The following CNTN3 variants were observed in gnomAD, a reference collection of about 807,000 sequenced individuals.
The protein encoded by CNTN3 is contactin-3.
A neutral mutation model predicts 119.1 loss-of-function variants in CNTN3; 60 were observed. The observed-to-expected ratio is 0.50, with a 90% confidence interval of 0.41 to 0.62. The LOEUF (loss-of-function observed/expected upper bound fraction) is 0.62, where lower values mean the gene tolerates loss of function less well. Ranked by LOEUF, CNTN3 falls within the 20% of genes least tolerant of loss-of-function variation. The probability of loss-of-function intolerance (pLI) is 0.00; values close to 1 mark genes in which losing one functional copy is unlikely to be tolerated. For synonymous variants in CNTN3, 450 were observed against 438.7 expected, an observed-to-expected ratio of 1.03 and a Z score of -0.32; for missense variants, 1,101 against 1,242.4, an observed-to-expected ratio of 0.89 and a Z score of 1.71.
chr3:74,613,943 C>G (rs1010452449), intron 1 of CNTN3, among the ~76,000 whole-genome samples: 5 of 152,204 alleles, frequency 3.3e-5, no homozygotes, highest in Non-Finnish European at 7.3e-5. Flanking sequence ...ATGAAAGAAT[C>G]GGCCACCCTA....
At position 74,422,847 on chromosome 3, in the gene CNTN3, T is replaced by TA. The variant is rs1701638330; in HGVS notation, c.454+1997dup. ...TAATATATCTCCCTCTTTTTACTCA[T>TA]AATACAACACTTCTTTTGGAAACTG... On this transcript the variant is annotated intron_variant, in intron 5 of 22. Coordinates refer to ENST00000263665, the MANE Select transcript of CNTN3 (RefSeq NM_020872.3). 5.9e-5 allele frequency among the ~76,000 whole-genome samples: 9 copies of TA among 152,314 alleles called. No individual in the cohort carries two copies. The South Asian group carries it at 1.7e-3, about 28-fold the overall frequency.
At chr3:74,418,435 G>A (rs532839960) in intron 5 of CNTN3, among the ~76,000 whole-genome samples, 3 of 138,640 alleles carry the variant, frequency 2.2e-5, no homozygotes, top group Admixed American at 1.7e-4. Context: ...TCTGCCTCCC[G>A]GGTTCAAGCA....
intron 13 of CNTN3, among the ~76,000 whole-genome samples, chr3:74,307,888 A>C (rs530882049): frequency 6.6e-6 from 1 of 152,340 alleles, no homozygotes; most frequent in South Asian, 2.1e-4. Flanking sequence ...TTACATTTTG[A>C]TGGCTATTTG....
At chr3:74,385,889 G>A (rs555727501) in intron 5 of CNTN3, among the ~76,000 whole-genome samples, 12 of 152,294 alleles carry the variant, frequency 7.9e-5, no homozygotes, top group Middle Eastern at 3.4e-3. Context: ...TGGGTATCAC[G>A]TAGTTTCTCT....
At chr3:74,404,090 T>C (rs1487315465) in intron 5 of CNTN3, among the ~76,000 whole-genome samples, 5 of 152,104 alleles carry the variant, frequency 3.3e-5, no homozygotes, top group Non-Finnish European at 7.4e-5. Context: ...CCATTTCTGA[T>C]TTATCTTTTT....
chr3:74,315,678 TAAATA>T (rs1432298890), intron 13 of CNTN3, among the ~76,000 whole-genome samples: 2 of 152,214 alleles, frequency 1.3e-5, no homozygotes, highest in African/African-American at 4.8e-5. Flanking sequence ...TACACTCTTC[TAAATA>T]ACACATGGAT....
chr3:74,535,535 G>C (rs9917739), intron 1 of CNTN3, among the ~76,000 whole-genome samples: 7 of 152,050 alleles, frequency 4.6e-5, no homozygotes, highest in African/African-American at 1.7e-4. Flanking sequence ...AGATACCCCT[G>C]AGTCTGATAG....
chr3:74,398,378 G>T (rs992310589), intron 5 of CNTN3, among the ~76,000 whole-genome samples: 1 of 152,214 alleles, frequency 6.6e-6, no homozygotes, highest in Non-Finnish European at 1.5e-5. Flanking sequence ...TTTACAACTT[G>T]CTGAAAGCTC....
intron 19 of CNTN3, among the ~76,000 whole-genome samples, chr3:74,285,836 TATAA>T (rs1702106029): frequency 1.7e-5 from 2 of 116,636 alleles, no homozygotes; most frequent in Admixed American, 8.6e-5. Flanking sequence ...TATATATATA[TATAA>T]AATTAAAAAT....
intron 4 of CNTN3, among the ~76,000 whole-genome samples, chr3:74,427,867 G>T (rs969749365): frequency 6.6e-6 from 1 of 151,924 alleles, no homozygotes; most frequent in African/African-American, 2.4e-5. Flanking sequence ...ATTACAGAAT[G>T]CTAATGAAAA....
chr3:74,371,267 CAT>C lies in CNTN3; in HGVS notation c.585_586del (p.Val197GlyfsTer22), dbSNP rs1198973503. 2.5e-6 allele frequency: 4 copies of C among 1,613,406 alleles called. No homozygotes were observed. The highest frequency in any genetic ancestry group is 2.7e-5 in the African/African-American group (2 of 74,880). On this transcript the variant is annotated frameshift_variant, in exon 6 of 23. Coordinates refer to ENST00000263665, the MANE Select transcript of CNTN3 (RefSeq NM_020872.3). LOFTEE classifies it high-confidence loss of function. ...ATTTGTCACCATACTTGTCACCACA[CAT>C]GTGTAATTTCCCACATCAGACGGCT... is the stretch of plus-strand genomic sequence containing the variant.
At chr3:74,428,288 T>C (rs1020529950) in intron 4 of CNTN3, among the ~76,000 whole-genome samples, 2 of 152,006 alleles carry the variant, frequency 1.3e-5, no homozygotes, top group Non-Finnish European at 2.9e-5. Context: ...AGGTTAACCA[T>C]AAAACAGCCT....
rs72898400 is a variant in CNTN3, at chr3:74,421,877, C to T, written c.454+2968G>A. Among the ~76,000 whole-genome samples the T allele has an allele frequency of 2.6e-3, 390 of 152,296 alleles. 2 individuals carry two copies. The highest frequency in any genetic ancestry group is 8.4e-3 in the African/African-American group (349 of 41,556). On this transcript the variant is annotated intron_variant, in intron 5 of 22. Coordinates refer to ENST00000263665, the MANE Select transcript of CNTN3 (RefSeq NM_020872.3). ...GCCATAAGTCAAAAAGGTGATGAAG[C>T]GGGGCTGATACCAGCTGCTGTGGAC...
intron 20 of CNTN3, among the ~76,000 whole-genome samples, chr3:74,273,039 G>A (rs565969022): frequency 1.3e-5 from 2 of 152,164 alleles, no homozygotes; most frequent in Admixed American, 6.5e-5. Context: ...TGGAAAAAAT[G>A]GCAAAATAGG....
chr3:74,276,351 T>C (rs534455161), intron 20 of CNTN3, among the ~76,000 whole-genome samples: 2 of 151,962 alleles, frequency 1.3e-5, no homozygotes, highest in African/African-American at 4.8e-5. Context: ...TATTCAACAG[T>C]GAAGGGAACT....
intron 11 of CNTN3, among the ~76,000 whole-genome samples, chr3:74,344,382 C>T (rs1426287099): frequency 7.1e-6 from 1 of 141,104 alleles, no homozygotes; most frequent in African/African-American, 2.7e-5. Context: ...AGTTCATTTA[C>T]AACCTTACAC....
intron 13 of CNTN3, among the ~76,000 whole-genome samples, chr3:74,317,165 CT>C (rs200694493): frequency 0.25 from 34,126 of 137,884 alleles, 4,346 homozygotes; most frequent in East Asian, 0.62. Context: ...CAACCCCTGC[CT>C]TTTTTTTGTT....
At chr3:74,441,973 T>C (rs570752480) in intron 4 of CNTN3, among the ~76,000 whole-genome samples, 1 of 152,138 alleles carries the variant, frequency 6.6e-6, no homozygotes, top group African/African-American at 2.4e-5. Flanking sequence ...TTCAATTTCA[T>C]TTTTTGCATA....
At position 74,267,368 on chromosome 3, in the gene CNTN3, C is replaced by T; in HGVS notation, c.2715G>A (p.Gln905=). Residue 905 remains glutamine (Q), a synonymous_variant, in exon 21 of 23, where the codon CAG becomes CAA. Transcript: ENST00000263665. ...CATTCCAAACAACATTTCCTGGTGG[C>T]TGACTGGGAGCTTGAAATGCAAAAT... is the stretch of plus-strand genomic sequence containing the variant. ...NVTTKKTPPS[Q]PPGNVVWNAT... 1.9e-6 allele frequency: 3 copies of T among 1,610,882 alleles called. No homozygotes were observed. Among genetic ancestry groups the T allele is most frequent in the South Asian group, 2.2e-5 (2 of 90,974 alleles).
Sources: allele counts gnomAD v4.1 joint callset (sites outside exome capture counted in the v4.1 genomes callset), GRCh38; gene constraint gnomAD v4.1.1; transcripts MANE v1.5; gene names NCBI Gene and HGNC (gene_info 2026-07-23, HGNC 2026-07-21).